ARHGEF37: variants seen among roughly 807,000 people sequenced by gnomAD.
ARHGEF37 encodes Rho guanine nucleotide exchange factor (GEF) 37.
In ARHGEF37, 55 loss-of-function variants were observed where a neutral mutation model predicts 71.1. The observed-to-expected ratio is 0.77, with a 90% CI of 0.62 to 0.97. The LOEUF is 0.97. ARHGEF37 is among the 50% of genes least tolerant of loss of function. The probability of loss-of-function intolerance (pLI) is 0.00; values close to 1 mark genes in which losing one functional copy is unlikely to be tolerated. For synonymous variants in ARHGEF37, 327 were observed against 350.6 expected, an observed-to-expected ratio of 0.93 and a Z score of 0.75; for missense variants, 765 against 836.8, an observed-to-expected ratio of 0.91 and a Z score of 1.06.
chr5:149,583,732 G>A (rs1763165313), intron 1 of ARHGEF37, among the ~76,000 whole-genome samples: 1 of 152,174 alleles, frequency 6.6e-6, no homozygotes, highest in African/African-American at 2.4e-5. Context: ...AAAGCCTATT[G>A]CTTGTTTATT....
In ARHGEF37 at chr5:149,631,235, G is replaced by A. The variant is rs145105024; in HGVS notation, c.1819-747G>A. 7.2e-3 allele frequency among the ~76,000 whole-genome samples: 1,038 copies of A among 144,470 alleles called. 15 individuals carry two copies. Among genetic ancestry groups the A allele is most frequent in the African/African-American group, 0.024 (912 of 38,758 alleles). The allele number at this position is 144,470 out of a possible 152,430, so 94.8% of individuals were successfully genotyped here. ...GGCCCAGGCTGGAGTGCAGTGCCAT[G>A]ATCTCGGCTTACTGCAGCCTTACCT... On this transcript the variant is annotated intron_variant, in intron 12 of 12. Coordinates refer to ENST00000333677, the MANE Select transcript of ARHGEF37 (RefSeq NM_001001669.3).
At chr5:149,554,932 A>G (rs533826113) in intron 1 of ARHGEF37, among the ~76,000 whole-genome samples, 4 of 152,196 alleles carry the variant, frequency 2.6e-5, no homozygotes, top group African/African-American at 9.6e-5. Flanking sequence ...GGAGTTCGAG[A>G]CCAGCTGGCC....
At chr5:149,609,239 T>A (rs1374894922) in intron 3 of ARHGEF37, among the ~76,000 whole-genome samples, 1 of 152,214 alleles carries the variant, frequency 6.6e-6, no homozygotes, top group East Asian at 1.9e-4. Flanking sequence ...TTTTGTGTAC[T>A]ATAAAGCACT....
upstream of ARHGEF37, among the ~76,000 whole-genome samples, chr5:149,580,939 A>G (rs1353063686): frequency 6.6e-6 from 1 of 152,158 alleles, no homozygotes; most frequent in East Asian, 1.9e-4. Flanking sequence ...GACCTTGTCT[A>G]TCGTGTTAAC....
chr5:149,554,139 G>C (rs1178924715), intron 1 of ARHGEF37, among the ~76,000 whole-genome samples: 1 of 152,186 alleles, frequency 6.6e-6, no homozygotes, highest in Non-Finnish European at 1.5e-5. Flanking sequence ...CTGCACTCCG[G>C]CCTGGGCAAG....
intron 1 of ARHGEF37, among the ~76,000 whole-genome samples, chr5:149,571,400 CA>C (rs1762964228): frequency 3.3e-5 from 5 of 152,034 alleles, no homozygotes; most frequent in Admixed American, 6.5e-5. Flanking sequence ...GGATTACATA[CA>C]AAAATAAAAT....
At chr5:149,578,322 C>T (rs1288445053), upstream of ARHGEF37, among the ~76,000 whole-genome samples, 1 of 152,184 alleles carries the variant, frequency 6.6e-6, no homozygotes, top group East Asian at 1.9e-4. Context: ...GTAAAAATCC[C>T]TTAATAAAGT....
At chr5:149,614,615 G>T (rs1044762016) in intron 4 of ARHGEF37, among the ~76,000 whole-genome samples, 3 of 152,170 alleles carry the variant, frequency 2.0e-5, no homozygotes, top group Non-Finnish European at 2.9e-5. Context: ...TGGAAAGGAA[G>T]TCCAGAGGAT....
At position 149,632,211 on chromosome 5, in the gene ARHGEF37, A is replaced by G. The variant is rs1378050377; in HGVS notation, c.*20A>G. On this transcript the variant is annotated 3_prime_UTR_variant, in exon 13 of 13. Transcript: ENST00000333677. Reference sequence around the variant, plus strand: ...TCTTAGGGTACCCTCTTTGGAGCCTACATTGCCAAATGATGGGGGAGGCTT... The same window carrying G: ...TCTTAGGGTACCCTCTTTGGAGCCTGCATTGCCAAATGATGGGGGAGGCTT... 3 of 1,609,918 alleles carry G rather than the reference A, an allele frequency of 1.9e-6. No homozygotes were observed. Among genetic ancestry groups the G allele is most frequent in the Non-Finnish European group, 2.5e-6 (3 of 1,177,070 alleles).
At chr5:149,610,358 G>A (rs1486668382) in intron 4 of ARHGEF37, among the ~76,000 whole-genome samples, 1 of 152,230 alleles carries the variant, frequency 6.6e-6, no homozygotes, top group Non-Finnish European at 1.5e-5. Context: ...TGGACTCATA[G>A]CTTAGAATTA....
Position 149,622,026 on chromosome 5 carries a change from G to A in ARHGEF37, c.1299G>A (p.Lys433=), listed in dbSNP as rs1246175369. 1 of 1,613,818 alleles carries A rather than the reference G, an allele frequency of 6.2e-7. No individual in the cohort carries two copies. Among genetic ancestry groups the A allele is most frequent in the Non-Finnish European group, 8.5e-7 (1 of 1,179,808 alleles). The change falls in exon 9 of 13, where the codon AAG becomes AAA. Residue 433 remains lysine (K), a synonymous_variant. Transcript: ENST00000333677. ...TGACCCTCCAGAGGGACCTTGCAAA[G>A]CAAGTGCTGCAGAGGGCAGAGGGAA... ...TFVTLQRDLA[K]QVLQRAEGSM...
In ARHGEF37 at chr5:149,618,939, CAG is replaced by C. The variant is rs767015920; in HGVS notation, c.793_794del (p.Glu265ArgfsTer5). 1.2e-6 allele frequency: 2 copies of C among 1,612,850 alleles called. No homozygotes were observed. Among genetic ancestry groups the C allele is most frequent in the African/African-American group, 1.3e-5 (1 of 75,010 alleles). ...AACCCTCACACACATTACTTTCAGA[CAG>C]AAGACAAGGAATTTGATGATTTAGA... On this transcript the variant is annotated frameshift_variant and splice_region_variant, in exon 7 of 13. Coordinates refer to ENST00000333677, the MANE Select transcript of ARHGEF37 (RefSeq NM_001001669.3). LOFTEE classifies it high-confidence loss of function.
intron 5 of ARHGEF37, 112 bp downstream of exon 5, chr5:149,616,878 T>C: frequency 2.6e-6 from 3 of 1,144,558 alleles, no homozygotes; most frequent in Non-Finnish European, 3.7e-6. Context: ...TATGTAACTA[T>C]AAATCCAGAG....
intron 1 of ARHGEF37, among the ~76,000 whole-genome samples, chr5:149,554,344 T>C (rs983371456): frequency 6.6e-6 from 1 of 152,134 alleles, no homozygotes; most frequent in Non-Finnish European, 1.5e-5. Context: ...AATGAATGAA[T>C]GAATGAATGA....
chr5:149,572,961 G>C (rs1200955594), intron 1 of ARHGEF37, among the ~76,000 whole-genome samples: 1 of 152,106 alleles, frequency 6.6e-6, no homozygotes, highest in Non-Finnish European at 1.5e-5. Context: ...AATTCTGCAG[G>C]CTTGGTAGTT....
chr5:149,617,067 G>GT (rs760774816), intron 5 of ARHGEF37, among the ~76,000 whole-genome samples: 1 of 152,074 alleles, frequency 6.6e-6, no homozygotes, highest in South Asian at 2.1e-4. Flanking sequence ...GTAAGGCAGG[G>GT]TTTTTTCCCC....
At chr5:149,598,801 TA>T (rs925788607) in intron 2 of ARHGEF37, among the ~76,000 whole-genome samples, 21 of 147,664 alleles carry the variant, frequency 1.4e-4, no homozygotes, top group African/African-American at 4.9e-4. Context: ...GATATATAGA[TA>T]TATATATGTG....
intron 1 of ARHGEF37, among the ~76,000 whole-genome samples, chr5:149,595,882 T>C (rs1374902876): frequency 6.6e-6 from 1 of 152,170 alleles, no homozygotes; most frequent in Non-Finnish European, 1.5e-5. Context: ...GGAGACCTTT[T>C]TTCCTCACCC....
intron 1 of ARHGEF37, among the ~76,000 whole-genome samples, chr5:149,586,588 T>C (rs1167292323): frequency 6.6e-6 from 1 of 152,212 alleles, no homozygotes. Flanking sequence ...GAAAGACCAC[T>C]CCACTCTGAT....
Sources: allele counts gnomAD v4.1 joint callset (sites outside exome capture counted in the v4.1 genomes callset), GRCh38; gene constraint gnomAD v4.1.1; transcripts MANE v1.5; gene names NCBI Gene and HGNC (gene_info 2026-07-23, HGNC 2026-07-21).